Variants in CCPG1 observed in about 807,000 individuals in gnomAD.
CCPG1 encodes the protein cell cycle progression protein 1.
A neutral mutation model predicts 81.3 loss-of-function variants in CCPG1; 46 were observed. The ratio of observed to expected loss-of-function variants is 0.57; its 90% CI spans 0.45 to 0.72. The LOEUF (loss-of-function observed/expected upper bound fraction) is 0.72. Ranked by LOEUF, CCPG1 falls within the 30% of genes least tolerant of loss-of-function variation. CCPG1 has a pLI of 0.00. For missense variants in CCPG1, 902 were observed against 937.6 expected (o/e 0.96, Z 0.50); for synonymous variants, 330 against 305.2 (o/e 1.08, Z -0.85).
intron 1 of CCPG1, among the ~76,000 whole-genome samples, chr15:55,403,101 G>C (rs1311738007): frequency 1.3e-5 from 2 of 152,082 alleles, no homozygotes; most frequent in Admixed American, 1.3e-4. Context: ...ACATATAAGT[G>C]CTTTATGTAA....
At chr15:55,406,020 A>G (rs988888443) in intron 1 of CCPG1, among the ~76,000 whole-genome samples, 2 of 152,180 alleles carry the variant, frequency 1.3e-5, no homozygotes, top group African/African-American at 2.4e-5. Flanking sequence ...ATCCGCCACC[A>G]TGCCCAGCTA....
intron 3 of CCPG1, among the ~76,000 whole-genome samples, chr15:55,379,739 A>G (rs1247924332): frequency 6.6e-6 from 1 of 152,182 alleles, no homozygotes; most frequent in Non-Finnish European, 1.5e-5. Flanking sequence ...GATATATTTT[A>G]TAAGAACCTC....
At chr15:55,408,147 C>T (rs965044194) in intron 1 of CCPG1, 74 bp downstream of exon 1, 1 of 152,490 alleles carries the variant, frequency 6.6e-6, no homozygotes, top group African/African-American at 2.4e-5. Context: ...TCTACTGAGC[C>T]GAGCGTGTCG....
In CCPG1 at chr15:55,377,922, A is replaced by G. The variant is rs1364696740; in HGVS notation, c.252+378T>C. 2.7e-5 allele frequency among the ~76,000 whole-genome samples: 4 copies of G among 150,294 alleles called. No individual in the cohort carries two copies. In the East Asian group the frequency reaches 7.7e-4, roughly 29 times the overall value. ...TTTTGTCAGATCAGTACAGACTAAA[A>G]CACCATGTAAAATGATCATCTAGCT... On this transcript the variant is annotated intron_variant, in intron 4 of 8. Transcript: ENST00000442196.
intron 1 of CCPG1, among the ~76,000 whole-genome samples, chr15:55,397,163 G>A (rs111462473): frequency 0.18 from 26,859 of 151,586 alleles, 4,130 homozygotes; most frequent in African/African-American, 0.42. Flanking sequence ...GCAGTGAGCC[G>A]AGATGGCGCC....
At chr15:55,357,556 T>A in intron 8 of CCPG1, 1 of 501,080 alleles carries the variant, frequency 2.0e-6, no homozygotes, top group Non-Finnish European at 2.6e-6. Flanking sequence ...CAGAAATAAT[T>A]CATCAGTTTT....
intron 1 of CCPG1, among the ~76,000 whole-genome samples, chr15:55,400,419 A>G (rs768465710): frequency 2.0e-5 from 3 of 151,668 alleles, no homozygotes; most frequent in Non-Finnish European, 2.9e-5. Context: ...GAGGCAGAAG[A>G]ATCGCTTGAG....
chr15:55,377,287 A>G, intron 4 of CCPG1, 137 bp from the exon 5 acceptor site: 1 of 651,600 alleles, frequency 1.5e-6, no homozygotes, highest in Non-Finnish European at 2.6e-6. Flanking sequence ...TTAGTAAAGA[A>G]TTATGCAATA....
At chr15:55,378,511 T>C (rs2056612319) in intron 3 of CCPG1, 135 bp from the exon 4 acceptor site, 2 of 531,574 alleles carry the variant, frequency 3.8e-6, no homozygotes, top group Non-Finnish European at 6.6e-6. Context: ...AAATGTCACA[T>C]ACAATTATAG....
chr15:55,365,658 C>A (rs1428730345), intron 6 of CCPG1, among the ~76,000 whole-genome samples: 1 of 151,758 alleles, frequency 6.6e-6, no homozygotes, highest in East Asian at 2.0e-4. Flanking sequence ...AGTGATCCAC[C>A]CACCTTGGCT....
intron 7 of CCPG1, 109 bp from the exon 8 acceptor site, chr15:55,361,053 G>A (rs2056182665): frequency 5.9e-6 from 7 of 1,179,936 alleles, no homozygotes; most frequent in Non-Finnish European, 7.9e-6. Flanking sequence ...TACTTCTACA[G>A]ATACAACCCC....
At chr15:55,402,873 C>G (rs1355800945) in intron 1 of CCPG1, among the ~76,000 whole-genome samples, 1 of 152,094 alleles carries the variant, frequency 6.6e-6, no homozygotes, top group Non-Finnish European at 1.5e-5. Flanking sequence ...AAATCAAAAC[C>G]AAAATTAAAA....
Position 55,376,970 on chromosome 15 carries a change from T to C in CCPG1, c.433A>G (p.Thr145Ala). 6.2e-7 allele frequency: 1 copy of C among 1,613,252 alleles called. No individual in the cohort carries two copies. The highest frequency in any genetic ancestry group is 2.2e-5 in the East Asian group (1 of 44,854). ...NMGSSSSSQYTFCQPETVFSS... is the reference protein window; with the variant it reads ...NMGSSSSSQYAFCQPETVFSS... ...TTACCAGTTTCTGGCTGACAGAAAG[T>C]ATACTGGCTGCTAGAGGAAGAGCCC... Residue 145 changes from threonine to alanine, a missense_variant, in exon 5 of 9, where the codon ACT (threonine) becomes GCT (alanine). Transcript: ENST00000442196.
intron 1 of CCPG1, among the ~76,000 whole-genome samples, chr15:55,402,706 G>C (rs190799114): frequency 4.9e-4 from 74 of 152,246 alleles, no homozygotes; most frequent in Non-Finnish European, 8.5e-4. Context: ...AACATGAAAT[G>C]TATTTCTCAG....
intron 5 of CCPG1, chr15:55,374,125 A>C: frequency 2.5e-6 from 3 of 1,204,950 alleles, no homozygotes; most frequent in Non-Finnish European, 3.3e-6. Context: ...ACTCAGCTCT[A>C]GAGAAGCTGG....
chr15:55,376,699 C>T (rs189207323), intron 5 of CCPG1, among the ~76,000 whole-genome samples: 213 of 152,218 alleles, frequency 1.4e-3, no homozygotes, highest in Middle Eastern at 3.4e-3. Flanking sequence ...TTTAACAAAT[C>T]TCACTGAAGC....
At chr15:55,383,965 G>C (rs912729792) in intron 3 of CCPG1, among the ~76,000 whole-genome samples, 1 of 152,192 alleles carries the variant, frequency 6.6e-6, no homozygotes, top group Non-Finnish European at 1.5e-5. Context: ...TTTCCTTCAA[G>C]AACTTTTCCT....
At chr15:55,391,344 G>A (rs2141320052) in intron 1 of CCPG1, among the ~76,000 whole-genome samples, 1 of 152,280 alleles carries the variant, frequency 6.6e-6, no homozygotes, top group African/African-American at 2.4e-5. Context: ...TGGAAGGCCT[G>A]GCCTCAAGCA....
Position 55,378,356 on chromosome 15 carries a change from C to CT in CCPG1, c.195dup (p.Val66SerfsTer19). ...GGATAAGCAGTTTCTTCCATAAGCA[C>CT]TGTGCCATTTTGGCTGCTTTCTGAT... On this transcript the variant is annotated frameshift_variant, in exon 4 of 9. Transcript: ENST00000442196. LOFTEE classifies it high-confidence loss of function. 1 of 1,610,394 alleles carries CT rather than the reference C, an allele frequency of 6.2e-7. No individual in the cohort carries two copies. The highest frequency in any genetic ancestry group is 8.5e-7 in the Non-Finnish European group (1 of 1,178,102).
Sources: gnomAD v4.1 joint callset for allele counts (sites outside exome capture counted in the v4.1 genomes callset) on GRCh38, gnomAD v4.1.1 for gene constraint, MANE v1.5 for transcripts, NCBI Gene and HGNC (gene_info 2026-07-23, HGNC 2026-07-21) for gene names.